CSMD1: variants seen among roughly 807,000 people sequenced by gnomAD.
The protein encoded by CSMD1 is CUB and sushi domain-containing protein 1.
CSMD1 carries 213 observed loss-of-function variants against 417.5 expected under a neutral mutation model. The observed-to-expected ratio is 0.51, with a 90% CI of 0.46 to 0.57. The LOEUF is 0.57. Among genes scored for constraint, CSMD1 ranks in the 20% least tolerant of loss-of-function variants. CSMD1 has a pLI of 0.00. For missense variants in CSMD1, 6,923 were observed against 4,529.7 expected (o/e 1.53, Z -15.17); for synonymous variants, 2,862 against 1,736.8 (o/e 1.65, Z -16.11).
chr8:4,488,439 G>C (rs1299529316), intron 2 of CSMD1, among the ~76,000 whole-genome samples: 1 of 152,072 alleles, frequency 6.6e-6, no homozygotes, highest in African/African-American at 2.4e-5. Context: ...GAGGGCAGAG[G>C]TGAAGTAGTA....
chr8:4,442,860 C>T (rs1051469240), intron 2 of CSMD1, among the ~76,000 whole-genome samples: 17 of 152,026 alleles, frequency 1.1e-4, no homozygotes, highest in Non-Finnish European at 1.9e-4. Context: ...TGAGATGGGA[C>T]TGTAAATTAA....
chr8:4,515,779 G>C (rs1803083584), intron 2 of CSMD1, among the ~76,000 whole-genome samples: 1 of 152,120 alleles, frequency 6.6e-6, no homozygotes, highest in African/African-American at 2.4e-5. Flanking sequence ...TTTTATAAAT[G>C]AGCCAAAGAC....
intron 3 of CSMD1, among the ~76,000 whole-genome samples, chr8:4,033,269 T>C (rs536538238): frequency 3.1e-3 from 461 of 150,832 alleles, no homozygotes; most frequent in Non-Finnish European, 5.4e-3. Context: ...TGAAACCCTG[T>C]CTCTACTAAA....
chr8:4,987,349 G>C (rs570402229), intron 1 of CSMD1, among the ~76,000 whole-genome samples: 1 of 152,298 alleles, frequency 6.6e-6, no homozygotes, highest in East Asian at 1.9e-4. Flanking sequence ...AATGATAACG[G>C]TGACAGGCGT....
intron 7 of CSMD1, among the ~76,000 whole-genome samples, chr8:3,650,665 G>C (rs1049673389): frequency 6.6e-6 from 1 of 152,202 alleles, no homozygotes. Context: ...CACGCTATGA[G>C]AACTGTTCGA....
chr8:4,757,578 C>G (rs1811745783), intron 1 of CSMD1, among the ~76,000 whole-genome samples: 1 of 152,124 alleles, frequency 6.6e-6, no homozygotes, highest in African/African-American at 2.4e-5. Flanking sequence ...TAAGTCTGAG[C>G]AATAGCCTAC....
rs148084200 is a variant in CSMD1, at chr8:3,426,686, C to T, written c.1562-17081G>A. 2.8e-3 allele frequency among the ~76,000 whole-genome samples: 422 copies of T among 152,276 alleles called. 1 individual carries two copies. The highest frequency in any genetic ancestry group is 9.7e-3 in the African/African-American group (403 of 41,554). On this transcript the variant is annotated intron_variant, in intron 12 of 69. Transcript: ENST00000635120. Reference sequence around the variant, plus strand: ...TTGTCAACTTACTTTATTTTTCTTACATTACAAACCACTAAGTCAAATTAT... The same window carrying T: ...TTGTCAACTTACTTTATTTTTCTTATATTACAAACCACTAAGTCAAATTAT...
intron 25 of CSMD1, among the ~76,000 whole-genome samples, chr8:3,286,892 C>A (rs1366703063): frequency 6.6e-6 from 1 of 152,222 alleles, no homozygotes; most frequent in African/African-American, 2.4e-5. Flanking sequence ...ACATGAAGTC[C>A]TTGCCCATGC....
At chr8:4,455,156 G>A (rs1371642400) in intron 2 of CSMD1, among the ~76,000 whole-genome samples, 2 of 152,144 alleles carry the variant, frequency 1.3e-5, no homozygotes, top group Non-Finnish European at 1.5e-5. Context: ...CAGCCAAAAG[G>A]AAAATGGTAT....
chr8:3,678,569 C>G (rs1001147300), intron 7 of CSMD1, among the ~76,000 whole-genome samples: 6 of 152,106 alleles, frequency 3.9e-5, no homozygotes, highest in African/African-American at 1.4e-4. Context: ...GATTGGTGTA[C>G]CTGAGAGTGA....
chr8:4,152,298 C>G (rs759193472), intron 3 of CSMD1, among the ~76,000 whole-genome samples: 1 of 152,076 alleles, frequency 6.6e-6, no homozygotes, highest in East Asian at 1.9e-4. Context: ...AATCTACTTC[C>G]AGTTATAAAT....
intron 1 of CSMD1, among the ~76,000 whole-genome samples, chr8:4,737,059 C>G (rs1028066294): frequency 3.3e-5 from 5 of 151,986 alleles, no homozygotes; most frequent in Middle Eastern, 3.2e-3. Flanking sequence ...GCATGATTCA[C>G]AAAAGAAAAG....
At chr8:3,802,639 G>C (rs1047119506) in intron 5 of CSMD1, among the ~76,000 whole-genome samples, 5 of 152,110 alleles carry the variant, frequency 3.3e-5, no homozygotes, top group African/African-American at 9.7e-5. Context: ...TAGTAATAAA[G>C]CAATCATGAG....
At chr8:4,969,716 T>A (rs1465445390) in intron 1 of CSMD1, among the ~76,000 whole-genome samples, 1 of 152,048 alleles carries the variant, frequency 6.6e-6, no homozygotes, top group Non-Finnish European at 1.5e-5. Flanking sequence ...GCGGCTGGCT[T>A]TCTCTTCCAC....
intron 47 of CSMD1, among the ~76,000 whole-genome samples, chr8:3,095,434 T>C (rs1307105830): frequency 6.6e-6 from 1 of 152,200 alleles, no homozygotes; most frequent in Non-Finnish European, 1.5e-5. Flanking sequence ...AATGTATGTT[T>C]GTTTTAATAT....
chr8:3,717,710 G>C (rs930787876), intron 6 of CSMD1, among the ~76,000 whole-genome samples: 1 of 152,134 alleles, frequency 6.6e-6, no homozygotes, highest in East Asian at 1.9e-4. Context: ...AATATTGGTA[G>C]AATAAAAATA....
At chr8:4,397,133 T>C (rs765607060) in intron 3 of CSMD1, among the ~76,000 whole-genome samples, 1 of 152,140 alleles carries the variant, frequency 6.6e-6, no homozygotes, top group South Asian at 2.1e-4. Flanking sequence ...CGCCATCACA[T>C]GGTCGAGCAA....
At chr8:3,893,453 A>G (rs1199184492) in intron 5 of CSMD1, among the ~76,000 whole-genome samples, 2 of 150,450 alleles carry the variant, frequency 1.3e-5, no homozygotes, top group African/African-American at 2.4e-5. Flanking sequence ...GGACAGTATG[A>G]TAGCTTTTGC....
In CSMD1 at chr8:4,285,200, G is replaced by C. The variant is rs1279845483; in HGVS notation, c.415+134753C>G. ...TATGTTTTTGTATGTCAAGGAGTGT[G>C]TTAAAATTCAAACTGCTTGTATACA... On this transcript the variant is annotated intron_variant, in intron 3 of 69. Coordinates refer to ENST00000635120, the MANE Select transcript of CSMD1 (RefSeq NM_033225.6). Among the ~76,000 whole-genome samples, 3 of 152,296 alleles carry C rather than the reference G, an allele frequency of 2.0e-5. No individual in the cohort carries two copies. In the East Asian group the frequency reaches 5.8e-4, roughly 29 times the overall value.
Sources: allele counts gnomAD v4.1 joint callset (sites outside exome capture counted in the v4.1 genomes callset), GRCh38; gene constraint gnomAD v4.1.1; transcripts MANE v1.5; gene names NCBI Gene and HGNC (gene_info 2026-07-23, HGNC 2026-07-21).